PTPRT: variants seen among roughly 807,000 people sequenced by gnomAD.
PTPRT encodes the protein protein tyrosine phosphatase receptor type T.
Under a neutral mutation model 176.8 loss-of-function variants are expected in PTPRT, and 56 were observed. The observed-to-expected ratio is 0.32, with a 90% CI of 0.26 to 0.40. The LOEUF (loss-of-function observed/expected upper bound fraction) is 0.40. Ranked by LOEUF, PTPRT falls within the 10% of genes least tolerant of loss-of-function variation. PTPRT has a pLI of 1.00. For synonymous variants in PTPRT, 783 were observed against 739.0 expected, an observed-to-expected ratio of 1.06 and a Z score of -0.96; for missense variants, 1,540 against 1,908.2, an observed-to-expected ratio of 0.81 and a Z score of 3.60.
At chr20:42,193,081 G>A (rs1991062195) in intron 16 of PTPRT, among the ~76,000 whole-genome samples, 1 of 152,220 alleles carries the variant, frequency 6.6e-6, no homozygotes, top group Admixed American at 6.5e-5. Context: ...GCTTGGTTTT[G>A]AAAGTAGAAT....
In PTPRT at chr20:42,236,236, A is replaced by C. The variant is rs777743231; in HGVS notation, c.2335T>G (p.Tyr779Asp). ...CACCAGCTCGATACTTACAAGTAAT[A>C]GGAGTAGGAATAAGCATTTCTTCTA... is the stretch of plus-strand genomic sequence containing the variant. ...KRRRNAYSYS[Y>D]YLKLAKKQKE... The change falls in exon 15 of 31, where the codon TAT becomes GAT. Residue 779 changes from tyrosine to aspartate, a missense_variant. Tyr to Asp is a radical substitution (Grantham distance 160). Transcript: ENST00000373187. 1 of 1,603,022 alleles carries C rather than the reference A, an allele frequency of 6.2e-7. No homozygotes were observed. Among genetic ancestry groups the C allele is most frequent in the Non-Finnish European group, 8.5e-7 (1 of 1,170,694 alleles).
chr20:42,897,705 C>A (rs2079327882), intron 1 of PTPRT, among the ~76,000 whole-genome samples: 1 of 152,168 alleles, frequency 6.6e-6, no homozygotes, highest in Non-Finnish European at 1.5e-5. Flanking sequence ...AACTCCAGAG[C>A]CAGCATCTAA....
chr20:42,068,694 G>A (rs1982186470), downstream of PTPRT, among the ~76,000 whole-genome samples: 1 of 152,160 alleles, frequency 6.6e-6, no homozygotes, highest in African/African-American at 2.4e-5. Flanking sequence ...CACTGATTAC[G>A]ATTCTCATTT....
intron 7 of PTPRT, among the ~76,000 whole-genome samples, chr20:42,636,098 C>A (rs189585722): frequency 3.7e-4 from 57 of 152,186 alleles, no homozygotes; most frequent in East Asian, 3.3e-3. Flanking sequence ...ACAGTAACCT[C>A]GAACTTGATT....
chr20:42,232,813 CAAAAA>C (rs5841454), intron 15 of PTPRT, among the ~76,000 whole-genome samples: 1 of 63,238 alleles, frequency 1.6e-5, no homozygotes, highest in African/African-American at 4.8e-5. Flanking sequence ...CTCTGTTTTA[CAAAAA>C]AAAAAAAAAA....
downstream of PTPRT, among the ~76,000 whole-genome samples, chr20:42,071,013 A>G (rs938825485): frequency 6.6e-6 from 1 of 152,182 alleles, no homozygotes; most frequent in Non-Finnish European, 1.5e-5. Context: ...ACAAAGTGAC[A>G]AGATAACTAG....
chr20:42,311,695 C>G (rs980848822), intron 12 of PTPRT, among the ~76,000 whole-genome samples: 3 of 152,016 alleles, frequency 2.0e-5, no homozygotes, highest in Non-Finnish European at 4.4e-5. Flanking sequence ...TTTTTACCCC[C>G]CCGTCACCCC....
At chr20:42,289,929 A>G (rs1190838287) in intron 12 of PTPRT, among the ~76,000 whole-genome samples, 4 of 152,100 alleles carry the variant, frequency 2.6e-5, no homozygotes, top group African/African-American at 9.7e-5. Context: ...GTTCCTAACA[A>G]CTTTAATTCC....
At chr20:42,300,056 G>A (rs2057440228) in intron 12 of PTPRT, among the ~76,000 whole-genome samples, 1 of 149,150 alleles carries the variant, frequency 6.7e-6, no homozygotes, top group South Asian at 2.3e-4. Flanking sequence ...TCAGGTGTTT[G>A]AGACCAGCCT....
intron 3 of PTPRT, 54 bp downstream of exon 3, chr20:42,791,141 G>A (rs1569159066): frequency 1.3e-6 from 2 of 1,525,366 alleles, no homozygotes; most frequent in East Asian, 4.5e-5. Flanking sequence ...GAGAGCAAAG[G>A]TGTATAGATT....
At chr20:42,516,261 AT>A (rs1380192187) in intron 7 of PTPRT, among the ~76,000 whole-genome samples, 6 of 151,876 alleles carry the variant, frequency 4.0e-5, no homozygotes, top group East Asian at 1.9e-4. Flanking sequence ...TAATAAAAAA[AT>A]AAATTAAAAA....
intron 8 of PTPRT, among the ~76,000 whole-genome samples, chr20:42,452,455 ATG>A (rs2070849136): frequency 6.6e-6 from 1 of 152,042 alleles, no homozygotes; most frequent in Non-Finnish European, 1.5e-5. Context: ...AAGTGTCCTA[ATG>A]GCTCTGTTTT....
intron 11 of PTPRT, among the ~76,000 whole-genome samples, chr20:42,350,214 G>GTTTTTTT (rs764181357): frequency 0.011 from 615 of 58,050 alleles, 17 homozygotes; most frequent in Non-Finnish European, 0.014. Flanking sequence ...GATGTTTCTT[G>GTTTTTTT]TTTTTTTTTT....
intron 13 of PTPRT, among the ~76,000 whole-genome samples, chr20:42,280,015 T>C (rs926311767): frequency 1.3e-5 from 2 of 152,160 alleles, no homozygotes; most frequent in Non-Finnish European, 2.9e-5. Flanking sequence ...GACCCATCTC[T>C]GGGACTTCAT....
intron 2 of PTPRT, among the ~76,000 whole-genome samples, chr20:42,803,149 G>T (rs945168662): frequency 3.9e-5 from 6 of 152,244 alleles, no homozygotes; most frequent in Non-Finnish European, 7.3e-5. Context: ...GAAGGCACCA[G>T]GAAGCCATGG....
At chr20:42,833,307 A>T (rs1173747350) in intron 2 of PTPRT, among the ~76,000 whole-genome samples, 26 of 151,640 alleles carry the variant, frequency 1.7e-4, no homozygotes, top group Admixed American at 1.7e-3. Flanking sequence ...ATGAAGGTTC[A>T]TGCTTGTAAA....
At chr20:42,895,379 A>G (rs1389525792) in intron 1 of PTPRT, among the ~76,000 whole-genome samples, 2 of 152,176 alleles carry the variant, frequency 1.3e-5, no homozygotes. Flanking sequence ...ATATAACCTC[A>G]TTTAACCTTC....
chr20:42,993,916 T>C (rs1252932373), intron 1 of PTPRT, among the ~76,000 whole-genome samples: 4 of 152,106 alleles, frequency 2.6e-5, no homozygotes, highest in Admixed American at 6.5e-5. Flanking sequence ...CTGACTCAAA[T>C]AGAAGAGAAA....
intron 1 of PTPRT, among the ~76,000 whole-genome samples, chr20:42,982,176 G>GTGT (rs1208969359): frequency 2.6e-5 from 4 of 152,164 alleles, no homozygotes; most frequent in African/African-American, 9.7e-5. Flanking sequence ...TGACGAAGAG[G>GTGT]TGTCATCCAT....
Sources: gnomAD v4.1 joint callset for allele counts (sites outside exome capture counted in the v4.1 genomes callset) on GRCh38, gnomAD v4.1.1 for gene constraint, MANE v1.5 for transcripts, NCBI Gene and HGNC (gene_info 2026-07-23, HGNC 2026-07-21) for gene names.